CLIC5: variants seen among roughly 807,000 people sequenced by gnomAD.
CLIC5 encodes the protein CLIC family member 5, also known as chloride intracellular channel protein 5.
Under a neutral mutation model 24.7 loss-of-function variants are expected in CLIC5, and 20 were observed. The observed-to-expected ratio is 0.81, with a 90% CI of 0.57 to 1.18. The LOEUF (loss-of-function observed/expected upper bound fraction) is 1.18. Among genes scored for constraint, CLIC5 ranks in the 50% most tolerant of loss-of-function variants. The pLI is 0.00. For missense variants in CLIC5, 341 were observed against 326.1 expected (o/e 1.05, Z -0.35); for synonymous variants, 159 against 135.6 (o/e 1.17, Z -1.20).
In CLIC5 at chr6:46,079,894, G is replaced by A. The variant is rs886884119; in HGVS notation, c.349C>T (p.Gln117Ter). The A allele has an allele frequency of 1.3e-6, 2 of 1,551,892 alleles. No individual in the cohort carries two copies. The highest frequency in any genetic ancestry group is 2.7e-5 in the African/African-American group (2 of 73,038). Reference sequence around the variant, plus strand: ...TGGAGTTCTGCTGCGCAGAGTTGCTGGTCCTGGGTTGATGAATATAACCCT... The same window carrying A: ...TGGAGTTCTGCTGCGCAGAGTTGCTAGTCCTGGGTTGATGAATATAACCCT... Residue 117 changes from glutamine (Q) to a stop codon, truncating the protein, a stop_gained, in exon 1 of 6, where the codon CAG (glutamine) becomes TAG (stop). Coordinates refer to the CLIC5 transcript ENST00000185206. LOFTEE classifies it high-confidence loss of function.
chr6:46,030,766 C>T (rs1767476584), intron 1 of CLIC5, among the ~76,000 whole-genome samples: 1 of 152,216 alleles, frequency 6.6e-6, no homozygotes, highest in African/African-American at 2.4e-5. Context: ...TCCTCATCCA[C>T]CTAAGTTGTC....
intron 1 of CLIC5, among the ~76,000 whole-genome samples, chr6:45,972,980 A>G (rs1274898004): frequency 1.3e-5 from 2 of 152,236 alleles, no homozygotes; most frequent in Non-Finnish European, 2.9e-5. Flanking sequence ...CCAAATTTCC[A>G]TACCTCGTGC....
At chr6:45,954,523 G>A (rs1460045103) in intron 2 of CLIC5, among the ~76,000 whole-genome samples, 6 of 152,170 alleles carry the variant, frequency 3.9e-5, no homozygotes, top group Admixed American at 2.6e-4. Context: ...CACTTATGGG[G>A]TGAGCCTCGA....
chr6:46,007,200 A>G (rs1046707984), intron 1 of CLIC5, among the ~76,000 whole-genome samples: 1 of 152,206 alleles, frequency 6.6e-6, no homozygotes, highest in African/African-American at 2.4e-5. Flanking sequence ...AAACGATTTT[A>G]ATGAACAGCA....
At chr6:45,985,464 C>G (rs1765702502) in intron 1 of CLIC5, among the ~76,000 whole-genome samples, 1 of 152,152 alleles carries the variant, frequency 6.6e-6, no homozygotes, top group Non-Finnish European at 1.5e-5. Context: ...CCCCAAAACA[C>G]TGTGTTTCAA....
intron 2 of CLIC5, among the ~76,000 whole-genome samples, chr6:45,952,362 CT>C (rs1188949916): frequency 3.5e-4 from 54 of 152,296 alleles, no homozygotes; most frequent in African/African-American, 1.3e-3. Flanking sequence ...CTTTTCCTTA[CT>C]GGATTGCCAG....
intron 1 of CLIC5, among the ~76,000 whole-genome samples, chr6:45,967,515 A>G (rs964458506): frequency 5.9e-5 from 9 of 152,220 alleles, no homozygotes; most frequent in African/African-American, 2.2e-4. Context: ...ACAAAGTGGC[A>G]GGTAAGGCCA....
At chr6:45,903,334 G>A (rs1175701830) in intron 5 of CLIC5, 79 bp from the exon 6 acceptor site, 3 of 1,361,722 alleles carry the variant, frequency 2.2e-6, no homozygotes, top group Non-Finnish European at 3.0e-6. Context: ...CCGTCCCAGT[G>A]TGTGTGCACT....
Position 45,902,600 on chromosome 6 carries a change from G to A in CLIC5, c.*488C>T, listed in dbSNP as rs899302655. ...AGACACCCAAGTCCATAGCCAGCTC[G>A]GTACTCCTCCATTCACTCTCTCTGT... On this transcript the variant is annotated 3_prime_UTR_variant, in exon 6 of 6. Coordinates refer to ENST00000339561, the MANE Select transcript of CLIC5 (RefSeq NM_016929.5). 2.5e-5 allele frequency: 4 copies of A among 157,418 alleles called. No individual in the cohort carries two copies. The highest frequency in any genetic ancestry group is 1.8e-4 in the South Asian group (1 of 5,438). The allele number at this position is 157,418 out of a possible 1,614,324, so 9.8% of individuals were successfully genotyped here.
intron 1 of CLIC5, among the ~76,000 whole-genome samples, chr6:46,003,677 G>A (rs951769707): frequency 3.3e-5 from 5 of 152,182 alleles, no homozygotes; most frequent in Non-Finnish European, 7.4e-5. Context: ...ATGGGGCCTG[G>A]TTAGGTTAAG....
At chr6:45,951,652 A>G (rs1764471249) in intron 2 of CLIC5, among the ~76,000 whole-genome samples, 2 of 152,218 alleles carry the variant, frequency 1.3e-5, no homozygotes, top group Admixed American at 1.3e-4. Flanking sequence ...TTTAGGGAAG[A>G]GGAGGGAAAA....
At chr6:46,118,051 A>G in the CLIC5 span, among the ~76,000 whole-genome samples, 1 of 152,064 alleles carries the variant, frequency 6.6e-6, no homozygotes, top group Non-Finnish European at 1.5e-5. Context: ...GCCTGCCTAC[A>G]TTTGAAGCTC....
At chr6:45,909,972 G>C (rs780032992) in intron 5 of CLIC5, among the ~76,000 whole-genome samples, 7 of 152,182 alleles carry the variant, frequency 4.6e-5, no homozygotes, top group Non-Finnish European at 8.8e-5. Flanking sequence ...ATGCTGAAGT[G>C]AAGGATGATG....
intron 1 of CLIC5, among the ~76,000 whole-genome samples, chr6:46,073,008 T>C (rs540955654): frequency 6.6e-6 from 1 of 152,310 alleles, no homozygotes; most frequent in South Asian, 2.1e-4. Flanking sequence ...GACAGCCCAA[T>C]GTACTAGCTT....
At chr6:46,020,167 T>A (rs914788603), upstream of CLIC5, among the ~76,000 whole-genome samples, 1 of 152,140 alleles carries the variant, frequency 6.6e-6, no homozygotes, top group Admixed American at 6.5e-5. Flanking sequence ...CCAAAAGAGA[T>A]CACATTCTGG....
At chr6:46,128,458 T>C in the CLIC5 span, among the ~76,000 whole-genome samples, 1 of 152,236 alleles carries the variant, frequency 6.6e-6, no homozygotes, top group Non-Finnish European at 1.5e-5. Context: ...CATTGGACAT[T>C]ACCTAAATTC....
At chr6:45,930,392 T>C (rs72871465) in intron 4 of CLIC5, among the ~76,000 whole-genome samples, 2,903 of 152,246 alleles carry the variant, frequency 0.019, 46 homozygotes, top group Middle Eastern at 0.041. Flanking sequence ...GCCAGGGACC[T>C]CCTATGGTAG....
chr6:46,083,471 T>A (rs1045294136), upstream of CLIC5, among the ~76,000 whole-genome samples: 5 of 152,218 alleles, frequency 3.3e-5, no homozygotes, highest in Non-Finnish European at 2.9e-5. Flanking sequence ...TCTGGTATGT[T>A]GTGTCTTTGT....
At chr6:46,080,492 T>C (rs1762896928), upstream of CLIC5, 1 of 456,248 alleles carries the variant, frequency 2.2e-6, no homozygotes, top group African/African-American at 1.9e-5. Context: ...AAGATATTTT[T>C]ATTAGACCCT....
Sources: gnomAD v4.1 joint callset for allele counts (sites outside exome capture counted in the v4.1 genomes callset) on GRCh38, gnomAD v4.1.1 for gene constraint, MANE v1.5 for transcripts, NCBI Gene and HGNC (gene_info 2026-07-23, HGNC 2026-07-21) for gene names.